The following TP53BP1 variants were observed in gnomAD, a reference collection of about 807,000 sequenced individuals.
The protein encoded by TP53BP1 is TP53-binding protein 1.
TP53BP1 carries 61 observed loss-of-function variants against 200.8 expected under a neutral mutation model. That is an observed-to-expected ratio of 0.30 (90% CI 0.25 to 0.38). TP53BP1 has a LOEUF of 0.38. Among genes scored for constraint, TP53BP1 ranks in the 10% least tolerant of loss-of-function variants. The pLI is 1.00. For missense variants in TP53BP1, 2,144 were observed against 2,371.9 expected, an observed-to-expected ratio of 0.90 and a Z score of 2.00; for synonymous variants, 822 against 844.3, an observed-to-expected ratio of 0.97 and a Z score of 0.46.
chr15:43,465,662 T>C (rs2046558168), intron 11 of TP53BP1, among the ~76,000 whole-genome samples: 2 of 152,068 alleles, frequency 1.3e-5, no homozygotes, highest in African/African-American at 4.8e-5. Context: ...ATACAATGAA[T>C]GAAAATAGAC....
In TP53BP1 at chr15:43,432,482, C is replaced by G. The variant is rs952443675; in HGVS notation, c.3387G>C (p.Val1129=). ...TCCGTCCTTCTTTCTGGTCTTCTAG[C>G]ACATCTGTCACCATTGCCTCTCCTT... ...SPQGEAMVTD[V]LEDQKEGRST... is the part of the protein sequence containing the mutation. Residue 1129 remains valine, a synonymous_variant, in exon 17 of 28, where the codon GTG becomes GTC. Transcript: ENST00000382044. The G allele has an allele frequency of 1.2e-6, 2 of 1,614,170 alleles. No individual in the cohort carries two copies. Among genetic ancestry groups the G allele is most frequent in the South Asian group, 1.1e-5 (1 of 91,084 alleles).
intron 4 of TP53BP1, among the ~76,000 whole-genome samples, chr15:43,488,703 G>T (rs2079080138): frequency 6.6e-6 from 1 of 152,126 alleles, no homozygotes; most frequent in South Asian, 2.1e-4. Flanking sequence ...AGACCAGCCT[G>T]GCCAACATGG....
chr15:43,438,508 C>T lies in TP53BP1; in HGVS notation c.3099-92G>A, dbSNP rs988324093. On this transcript the variant is annotated intron_variant, in intron 15 of 27. Coordinates refer to ENST00000382044, the MANE Select transcript of TP53BP1 (RefSeq NM_001141980.3). ...TTTTATGCACAGAGGAAATAAAATG[C>T]TTTCTCTGCATATCAAACTCCAAAC... 9 of 1,087,888 alleles carry T rather than the reference C, an allele frequency of 8.3e-6. No individual in the cohort carries two copies. The East Asian group carries it at 1.0e-4, about 13-fold the overall frequency. The allele number at this position is 1,087,888 out of a possible 1,614,324, so 67.4% of individuals were successfully genotyped here. A position where few individuals can be genotyped will look rare whatever the true frequency, so the allele number is the denominator to read the frequency against.
intron 19 of TP53BP1, 97 bp downstream of exon 19, chr15:43,421,758 T>C (rs1192678665): frequency 6.9e-7 from 1 of 1,452,782 alleles, no homozygotes; most frequent in African/African-American, 1.4e-5. Context: ...TAATGGAGGA[T>C]GGGGGATTTC....
intron 12 of TP53BP1, among the ~76,000 whole-genome samples, chr15:43,450,505 TC>T (rs2046141714): frequency 6.6e-6 from 1 of 152,188 alleles, no homozygotes; most frequent in Non-Finnish European, 1.5e-5. Context: ...CACATCTAGA[TC>T]CCCTGATCAT....
chr15:43,446,548 A>T lies in TP53BP1; in HGVS notation c.2879T>A (p.Val960Asp). The T allele has an allele frequency of 6.2e-7, 1 of 1,614,174 alleles. No individual in the cohort carries two copies. The highest frequency in any genetic ancestry group is 8.5e-7 in the Non-Finnish European group (1 of 1,180,028). ...GGTCTCCACCATGCTTTCAGACATG[A>T]CATCACTGGTTGCTATGGTGCTTTC... Reference protein sequence around the residue: ...YPESTIATSDVMSESMVETHD... With the variant: ...YPESTIATSDDMSESMVETHD... The change falls in exon 14 of 28, where the codon GTC becomes GAC. Residue 960 changes from valine (V) to aspartate (D), a missense_variant. By Grantham distance (152) the Val-to-Asp change is radical. This residue lies in a region of TP53BP1 where 1,700 missense variants were observed against 1,710.3 expected (regional missense o/e 0.99). Coordinates refer to ENST00000382044, the MANE Select transcript of TP53BP1 (RefSeq NM_001141980.3).
intron 14 of TP53BP1, among the ~76,000 whole-genome samples, chr15:43,445,421 T>C (rs1015693386): frequency 6.6e-6 from 1 of 152,206 alleles, no homozygotes; most frequent in Non-Finnish European, 1.5e-5. Context: ...TGAACGTTCC[T>C]TTATAATCTC....
At chr15:43,510,569 C>T (rs550456117) in exon 1 of TP53BP1, 27 of 185,928 alleles carry the variant, frequency 1.5e-4, no homozygotes, top group African/African-American at 6.4e-4. Flanking sequence ...CAGATGGAGG[C>T]AACGATACAA....
Position 43,405,323 on chromosome 15 carries a change from ATAGGAC to A in TP53BP1, c.*2054_*2059del, listed in dbSNP as rs1437737509. ...ACAAATAAATATCTGCGGCTTAGTG[ATAGGAC>A]TCTACCTTTTCTCCTAGAAGCAGTT... On this transcript the variant is annotated 3_prime_UTR_variant, in exon 28 of 28. Coordinates refer to ENST00000382044, the MANE Select transcript of TP53BP1 (RefSeq NM_001141980.3). 7.9e-7 allele frequency: 1 copy of A among 1,261,966 alleles called. No homozygotes were observed. The highest frequency in any genetic ancestry group is 1.1e-6 in the Non-Finnish European group (1 of 871,224). The allele number at this position is 1,261,966 out of a possible 1,614,324, so 78.2% of individuals were successfully genotyped here. A position where few individuals can be genotyped will look rare whatever the true frequency, so the allele number is the denominator to read the frequency against.
In TP53BP1 at chr15:43,446,400, C is replaced by T; in HGVS notation, c.3027G>A (p.Gln1009=). ...CATAAAACTTACTTTCCAGGTTGAA[C>T]TGCAAAGACTCTTCACTCGCCTCAG... ...PETEASEESL[Q]FNLEKPATGE... Residue 1009 remains glutamine (Q), a synonymous_variant, in exon 14 of 28, where the codon CAG becomes CAA. Transcript: ENST00000382044. 5 of 1,614,006 alleles carry T rather than the reference C, an allele frequency of 3.1e-6. No individual in the cohort carries two copies. Among genetic ancestry groups the T allele is most frequent in the Non-Finnish European group, 4.2e-6 (5 of 1,179,906 alleles).
intron 11 of TP53BP1, among the ~76,000 whole-genome samples, chr15:43,460,871 A>C (rs1057178734): frequency 1.9e-4 from 29 of 151,966 alleles, no homozygotes; most frequent in African/African-American, 7.0e-4. Flanking sequence ...AAAAAAAAAA[A>C]AAACATTAGC....
chr15:43,479,762 A>C, intron 6 of TP53BP1, 97 bp downstream of exon 6: 1 of 1,435,214 alleles, frequency 7.0e-7, no homozygotes, highest in African/African-American at 1.4e-5. Flanking sequence ...AGATTATATT[A>C]ATTTGGATAG....
In TP53BP1 at chr15:43,457,178, T is replaced by C. The variant is rs2046318981; in HGVS notation, c.1430A>G (p.Asn477Ser). The change falls in exon 12 of 28, where the codon AAT becomes AGT. Residue 477 changes from asparagine (N) to serine (S), a missense_variant. Physicochemically the swap from Asn to Ser is conservative, Grantham distance 46 (BLOSUM62 1). This residue lies in a region of TP53BP1 where 1,700 missense variants were observed against 1,710.3 expected (regional missense o/e 0.99). Coordinates refer to ENST00000382044, the MANE Select transcript of TP53BP1 (RefSeq NM_001141980.3). ...IPSPSLEEQS[N>S]DGKKDGDMHS... ...CATATCTCCATCTTTCTTCCCATCA[T>C]TTGATTGTTCTTCCAGACTTGGGGA... 6.2e-7 allele frequency: 1 copy of C among 1,612,406 alleles called. No individual in the cohort carries two copies. Among genetic ancestry groups the C allele is most frequent in the Non-Finnish European group, 8.5e-7 (1 of 1,179,396 alleles).
chr15:43,478,540 T>C (rs1330538390), intron 7 of TP53BP1, among the ~76,000 whole-genome samples: 1 of 152,214 alleles, frequency 6.6e-6, no homozygotes, highest in Non-Finnish European at 1.5e-5. Context: ...GCATCCCAGT[T>C]TTCTTCTGCC....
At chr15:43,410,015 G>A (rs764761722) in intron 24 of TP53BP1, among the ~76,000 whole-genome samples, 15 of 152,158 alleles carry the variant, frequency 9.9e-5, no homozygotes, top group South Asian at 2.1e-4. Flanking sequence ...GCACCGGACC[G>A]TTGATAGGGA....
chr15:43,477,679 A>C lies in TP53BP1; in HGVS notation c.869T>G (p.Met290Arg). Residue 290 changes from methionine to arginine, a missense_variant, in exon 8 of 28, where the codon ATG becomes AGG. Transcript: ENST00000382044. ...CTTCTGAATCTGCAGTCCACTTTCCATAAGTTCTTGTGCAGACAACTGTTC... is the reference window on the plus strand; with the variant it reads ...CTTCTGAATCTGCAGTCCACTTTCCCTAAGTTCTTGTGCAGACAACTGTTC... ...AKEQLSAQELMESGLQIQKSP... is the reference protein window; with the variant it reads ...AKEQLSAQELRESGLQIQKSP... 6.2e-7 allele frequency: 1 copy of C among 1,613,904 alleles called. No homozygotes were observed. The highest frequency in any genetic ancestry group is 1.3e-5 in the African/African-American group (1 of 75,066).
intron 12 of TP53BP1, among the ~76,000 whole-genome samples, chr15:43,448,938 C>T (rs2046103878): frequency 6.6e-6 from 1 of 151,924 alleles, no homozygotes; most frequent in Admixed American, 6.6e-5. Flanking sequence ...ACCAGCCTGG[C>T]CAAAATAATG....
chr15:43,475,835 T>A (rs780813983), intron 8 of TP53BP1, 141 bp from the exon 9 acceptor site: 2 of 1,022,530 alleles, frequency 2.0e-6, no homozygotes, highest in Non-Finnish European at 2.8e-6. Flanking sequence ...TTTCTAATTA[T>A]AGTACAACGA....
chr15:43,446,643 C>A, intron 13 of TP53BP1, 53 bp from the exon 14 acceptor site: 2 of 1,586,210 alleles, frequency 1.3e-6, no homozygotes, highest in Admixed American at 3.5e-5. Flanking sequence ...AATACAAACA[C>A]AAAAAACAGC....
Sources: gnomAD v4.1 joint callset for allele counts (sites outside exome capture counted in the v4.1 genomes callset) on GRCh38, gnomAD v4.1.1 for gene constraint, gnomAD v4.1.1 regional missense constraint, MANE v1.5 for transcripts, NCBI Gene and HGNC (gene_info 2026-07-23, HGNC 2026-07-21) for gene names.